The following PHACTR4 variants were observed in gnomAD, a reference collection of about 807,000 sequenced individuals.
The protein encoded by PHACTR4 is phosphatase and actin regulator 4.
A neutral mutation model predicts 72.7 loss-of-function variants in PHACTR4; 51 were observed. The observed-to-expected ratio is 0.70, with a 90% CI of 0.56 to 0.89. The LOEUF is 0.89. Ranked by LOEUF, PHACTR4 falls within the 40% of genes least tolerant of loss-of-function variation. The pLI is 0.00. For missense variants in PHACTR4, 731 were observed against 861.8 expected (o/e 0.85, Z 1.90); for synonymous variants, 255 against 302.5 (o/e 0.84, Z 1.63).
At position 28,455,198 on chromosome 1, in the gene PHACTR4, CTTT is replaced by C. The variant is rs139479738; in HGVS notation, c.17-3869_17-3867del. On this transcript the variant is annotated intron_variant, in intron 2 of 13. Transcript: ENST00000373839. ...TTTTTCTTTTTCTTTTTCTTTCTTT[CTTT>C]TTTTTTTTTTTTTTTTTGAGACAGA... is the stretch of plus-strand genomic sequence containing the variant. 1.3e-3 allele frequency among the ~76,000 whole-genome samples: 111 copies of C among 85,968 alleles called. 1 individual carries two copies. Among genetic ancestry groups the C allele is most frequent in the Admixed American group, 2.7e-3 (20 of 7,502 alleles). 56.4% of individuals were successfully genotyped at this position (85,968 alleles called of 152,430 possible). A position where few individuals can be genotyped will look rare whatever the true frequency, so the allele number is the denominator to read the frequency against.
At chr1:28,472,137 C>T (rs896180359) in intron 6 of PHACTR4, among the ~76,000 whole-genome samples, 2 of 150,866 alleles carry the variant, frequency 1.3e-5, no homozygotes, top group Non-Finnish European at 2.9e-5. Flanking sequence ...GGTGTGAACC[C>T]GGGAGGCAGA....
intron 9 of PHACTR4, among the ~76,000 whole-genome samples, chr1:28,484,899 G>A (rs1660535408): frequency 6.6e-6 from 1 of 152,120 alleles, no homozygotes; most frequent in East Asian, 1.9e-4. Flanking sequence ...CCAGGGGACA[G>A]AGGTTGCAGT....
rs1276990695 is a variant in PHACTR4, at chr1:28,466,621, A to G, written c.676A>G (p.Thr226Ala). 6.2e-7 allele frequency: 1 copy of G among 1,613,744 alleles called. No individual in the cohort carries two copies. The highest frequency in any genetic ancestry group is 1.1e-5 in the South Asian group (1 of 91,058). ...TGCAAAGACTGTTAATCTCTCTGTC[A>G]CCCCTTCCCCAGCACCCAGGACTCT... ...SLAKTVNLSV[T>A]PSPAPRTLPA... The change falls in exon 6 of 14, where the codon ACC (threonine) becomes GCC (alanine). Residue 226 changes from threonine (T) to alanine (A), a missense_variant. Physicochemically the swap from Thr to Ala is moderately conservative, Grantham distance 58. Transcript: ENST00000373839.
chr1:28,418,355 A>C (rs35160854), intron 2 of PHACTR4, among the ~76,000 whole-genome samples: 58,330 of 151,254 alleles, frequency 0.39, 12,921 homozygotes, highest in African/African-American at 0.6. Flanking sequence ...GTGGCAGGCA[A>C]CTGTAACCCC....
intron 2 of PHACTR4, among the ~76,000 whole-genome samples, chr1:28,442,807 AT>A (rs139785009): frequency 0.26 from 39,525 of 150,826 alleles, 5,284 homozygotes; most frequent in Middle Eastern, 0.34. Flanking sequence ...TGCCTGGCAA[AT>A]TTTTTTTTTA....
intron 2 of PHACTR4, chr1:28,453,793 C>G: frequency 1.1e-6 from 1 of 892,672 alleles, no homozygotes; most frequent in Non-Finnish European, 1.8e-6. Flanking sequence ...CACATTGGTG[C>G]GTCCTGACAA....
intron 2 of PHACTR4, among the ~76,000 whole-genome samples, chr1:28,417,695 G>A (rs1256323686): frequency 6.6e-6 from 1 of 152,186 alleles, no homozygotes; most frequent in Non-Finnish European, 1.5e-5. Flanking sequence ...TCAACCACAA[G>A]TAACTGAAAC....
intron 10 of PHACTR4, among the ~76,000 whole-genome samples, chr1:28,490,634 T>C (rs1570116379): frequency 6.7e-6 from 1 of 150,018 alleles, no homozygotes; most frequent in Admixed American, 6.6e-5. Context: ...TCACCTGAGG[T>C]CAGGAGTTTG....
At chr1:28,448,655 G>A (rs1182350630) in intron 2 of PHACTR4, among the ~76,000 whole-genome samples, 3 of 146,510 alleles carry the variant, frequency 2.0e-5, no homozygotes, top group Non-Finnish European at 4.5e-5. Context: ...CCAGCTACTT[G>A]GGAGGCTGAG....
chr1:28,394,261 A>G (rs1412753539), intron 1 of PHACTR4, among the ~76,000 whole-genome samples: 1 of 151,630 alleles, frequency 6.6e-6, no homozygotes, highest in East Asian at 1.9e-4. Context: ...TAAAAAAAAA[A>G]AAAAAAGAAA....
intron 3 of PHACTR4, among the ~76,000 whole-genome samples, chr1:28,459,718 G>A (rs1658664673): frequency 6.6e-6 from 1 of 152,012 alleles, no homozygotes; most frequent in Non-Finnish European, 1.5e-5. Context: ...TAATCTTTTA[G>A]AATTAAACAT....
chr1:28,428,055 C>G (rs1655986921), intron 2 of PHACTR4, among the ~76,000 whole-genome samples: 1 of 152,116 alleles, frequency 6.6e-6, no homozygotes, highest in South Asian at 2.1e-4. Context: ...TTTCTTTGAA[C>G]CATTATTTAA....
chr1:28,388,589 C>T (rs554300223), intron 1 of PHACTR4, among the ~76,000 whole-genome samples: 4 of 152,276 alleles, frequency 2.6e-5, no homozygotes, highest in South Asian at 4.1e-4. Context: ...CGGTGGCTCA[C>T]GCCTGTAATC....
intron 2 of PHACTR4, among the ~76,000 whole-genome samples, chr1:28,411,929 A>G (rs906778046): frequency 1.3e-5 from 2 of 152,226 alleles, no homozygotes; most frequent in Non-Finnish European, 2.9e-5. Context: ...GAAAGAAAGA[A>G]AGAATTATTT....
intron 2 of PHACTR4, among the ~76,000 whole-genome samples, chr1:28,417,850 G>C (rs1021560957): frequency 1.3e-5 from 2 of 151,536 alleles, no homozygotes; most frequent in African/African-American, 4.9e-5. Flanking sequence ...GGGCATAGTG[G>C]CTCATGCCTC....
intron 2 of PHACTR4, among the ~76,000 whole-genome samples, chr1:28,442,615 T>C (rs1657124542): frequency 6.6e-6 from 1 of 151,978 alleles, no homozygotes. Flanking sequence ...CAAGTGATTC[T>C]CCTGTCTCAT....
chr1:28,465,608 A>G, intron 4 of PHACTR4, 77 bp from the exon 5 acceptor site: 1 of 1,435,916 alleles, frequency 7.0e-7, no homozygotes, highest in Non-Finnish European at 9.4e-7. Context: ...GAGAGAAAGA[A>G]AAAAAGAAAT....
chr1:28,472,446 T>G (rs1227795568), intron 6 of PHACTR4, among the ~76,000 whole-genome samples: 1 of 152,168 alleles, frequency 6.6e-6, no homozygotes, highest in Non-Finnish European at 1.5e-5. Flanking sequence ...CAAAGGACTT[T>G]GCAATTGCTA....
Position 28,389,766 on chromosome 1 carries a change from C to T in PHACTR4, c.-38-17644C>T, listed in dbSNP as rs1052709916. Among the ~76,000 whole-genome samples, 20 of 152,216 alleles carry T rather than the reference C, an allele frequency of 1.3e-4. 1 individual carries two copies. The highest frequency in any genetic ancestry group is 3.4e-3 in the Middle Eastern group (1 of 294). On this transcript the variant is annotated intron_variant, in intron 1 of 13. Transcript: ENST00000373839. ...TTTTGGGATTACAGGCGTGAGCCAC[C>T]GCGCCTGGCCTGTACACTACTGTTC... is the stretch of plus-strand genomic sequence containing the variant.
Sources: gnomAD v4.1 joint callset for allele counts (sites outside exome capture counted in the v4.1 genomes callset) on GRCh38, gnomAD v4.1.1 for gene constraint, MANE v1.5 for transcripts, NCBI Gene and HGNC (gene_info 2026-07-23, HGNC 2026-07-21) for gene names.